ADAM2: variants seen among roughly 807,000 people sequenced by gnomAD.
ADAM2 encodes disintegrin and metalloproteinase domain-containing protein 2.
Under a neutral mutation model 99.3 loss-of-function variants are expected in ADAM2, and 101 were observed. The observed-to-expected ratio is 1.02, with a 90% CI of 0.87 to 1.20. The LOEUF is 1.20. ADAM2 is among the 50% of genes most tolerant of loss of function. ADAM2 has a pLI of 0.00. For synonymous variants in ADAM2, 323 were observed against 287.6 expected (o/e 1.12, Z -1.25); for missense variants, 948 against 878.7 (o/e 1.08, Z -1.00).
At chr8:39,758,830 G>A (rs898282500) in intron 15 of ADAM2, among the ~76,000 whole-genome samples, 13 of 151,830 alleles carry the variant, frequency 8.6e-5, no homozygotes, top group African/African-American at 2.7e-4. Flanking sequence ...AAAATTAAGA[G>A]AATTTGAGAA....
chr8:39,801,232 C>T (rs1054424191), intron 7 of ADAM2, among the ~76,000 whole-genome samples: 1 of 152,082 alleles, frequency 6.6e-6, no homozygotes, highest in South Asian at 2.1e-4. Flanking sequence ...GCTGTTGTTG[C>T]CACTTTCGGC....
intron 4 of ADAM2, among the ~76,000 whole-genome samples, chr8:39,822,748 T>C (rs1210913785): frequency 6.7e-6 from 1 of 149,730 alleles, no homozygotes; most frequent in African/African-American, 2.4e-5. Context: ...TGAGGTCTGT[T>C]TTTTTTTTGT....
chr8:39,794,444 G>A (rs544154210), intron 7 of ADAM2, among the ~76,000 whole-genome samples: 1 of 152,076 alleles, frequency 6.6e-6, no homozygotes, highest in East Asian at 1.9e-4. Context: ...TAAGGGAGGA[G>A]ACCACCCCTC....
chr8:39,827,362 A>G (rs765664427), intron 3 of ADAM2, among the ~76,000 whole-genome samples: 1 of 152,124 alleles, frequency 6.6e-6, no homozygotes, highest in Non-Finnish European at 1.5e-5. Context: ...CTACTGTATG[A>G]TTCAGCCGTC....
chr8:39,800,328 T>C (rs770261310), intron 7 of ADAM2, among the ~76,000 whole-genome samples: 28 of 152,206 alleles, frequency 1.8e-4, no homozygotes, highest in Non-Finnish European at 5.9e-5. Context: ...AAAATTCTTT[T>C]CTTTAAGAAT....
chr8:39,802,719 A>G (rs1051840694), intron 7 of ADAM2, among the ~76,000 whole-genome samples: 4 of 152,098 alleles, frequency 2.6e-5, no homozygotes, highest in Admixed American at 6.5e-5. Flanking sequence ...TCACCAAGGC[A>G]CCTGGTGCTA....
At chr8:39,832,253 C>G (rs2129589253) in intron 3 of ADAM2, among the ~76,000 whole-genome samples, 1 of 152,316 alleles carries the variant, frequency 6.6e-6, no homozygotes, top group Non-Finnish European at 1.5e-5. Flanking sequence ...GCTCTGCATA[C>G]AGTCCAGGCC....
intron 9 of ADAM2, among the ~76,000 whole-genome samples, chr8:39,787,864 T>A (rs1364516765): frequency 6.6e-6 from 1 of 151,668 alleles, no homozygotes; most frequent in Admixed American, 6.6e-5. Flanking sequence ...GGGAAAGAAG[T>A]AATATGGGAA....
At chr8:39,807,062 C>A (rs1374693477) in intron 7 of ADAM2, among the ~76,000 whole-genome samples, 2 of 152,172 alleles carry the variant, frequency 1.3e-5, no homozygotes, top group Admixed American at 1.3e-4. Context: ...TTGCCTGTAG[C>A]CTTGCTGGCA....
chr8:39,777,328 A>G (rs1803032135), intron 10 of ADAM2, among the ~76,000 whole-genome samples, 167 bp from the exon 11 acceptor site: 4 of 152,080 alleles, frequency 2.6e-5, no homozygotes, highest in Admixed American at 2.6e-4. Flanking sequence ...AATTATGAAA[A>G]ATAAAATCTG....
intron 10 of ADAM2, among the ~76,000 whole-genome samples, chr8:39,785,455 G>A (rs1436491720): frequency 6.6e-6 from 1 of 152,184 alleles, no homozygotes; most frequent in East Asian, 1.9e-4. Context: ...AAAGCAGTTT[G>A]GAGAGTTCTC....
chr8:39,774,235 T>G (rs780071402), intron 11 of ADAM2, among the ~76,000 whole-genome samples: 1 of 151,928 alleles, frequency 6.6e-6, no homozygotes, highest in Non-Finnish European at 1.5e-5. Flanking sequence ...AAGTTACAAG[T>G]CTTGCTCATA....
At position 39,746,500 on chromosome 8, in the gene ADAM2, AT is replaced by A. The variant is rs764499662; in HGVS notation, c.2145del (p.Lys715AsnfsTer36). ...IMVKVNFQRKKWRTEDYSSDE... is the reference protein window; with the variant it reads ...IMVKVNFQRKXWRTEDYSSDE... ...TCGCTTGAATAGTCCTCAGTTCTCC[AT>A]TTTTTCCTTTGGAAATTAACTTTCA... On this transcript the variant is annotated frameshift_variant, in exon 19 of 21. Coordinates refer to ENST00000265708, the MANE Select transcript of ADAM2 (RefSeq NM_001464.5). LOFTEE classifies it high-confidence loss of function. 6 of 1,595,536 alleles carry A rather than the reference AT, an allele frequency of 3.8e-6. No homozygotes were observed. Among genetic ancestry groups the A allele is most frequent in the East Asian group, 2.3e-5 (1 of 44,198 alleles).
At chr8:39,783,680 A>G (rs1438023284) in intron 10 of ADAM2, among the ~76,000 whole-genome samples, 2 of 152,188 alleles carry the variant, frequency 1.3e-5, no homozygotes, top group Non-Finnish European at 2.9e-5. Context: ...GGCCAGGCAC[A>G]GTGGCTCATT....
At chr8:39,756,641 T>C (rs1802161948) in intron 15 of ADAM2, among the ~76,000 whole-genome samples, 1 of 152,076 alleles carries the variant, frequency 6.6e-6, no homozygotes, top group South Asian at 2.1e-4. Flanking sequence ...GTGATGAAAA[T>C]CTAAATGTCT....
In ADAM2 at chr8:39,809,439, C is replaced by T. The variant is rs774068680; in HGVS notation, c.541G>A (p.Glu181Lys). The T allele has an allele frequency of 7.1e-7, 1 of 1,417,796 alleles. No homozygotes were observed. The highest frequency in any genetic ancestry group is 2.4e-5 in the East Asian group (1 of 42,372). The allele number at this position is 1,417,796 out of a possible 1,614,324, so 87.8% of individuals were successfully genotyped here. Reference protein sequence around the residue: ...EPQQDFAKYIEMHVIVEKQLY... With the variant: ...EPQQDFAKYIKMHVIVEKQLY... ...TGTTTTTCAACTATAACATGCATTT[C>T]TATATACTTTGCAAAATCTTGCTGT... The change falls in exon 7 of 21, where the codon GAA becomes AAA. Residue 181 changes from glutamate to lysine, a missense_variant. Transcript: ENST00000265708.
intron 14 of ADAM2, among the ~76,000 whole-genome samples, chr8:39,764,576 A>G (rs1043628971): frequency 1.3e-5 from 2 of 152,164 alleles, no homozygotes; most frequent in African/African-American, 4.8e-5. Context: ...AAGGAAACAG[A>G]TTTGAGCATT....
intron 7 of ADAM2, among the ~76,000 whole-genome samples, chr8:39,798,920 T>C (rs780324600): frequency 2.0e-5 from 3 of 152,146 alleles, no homozygotes; most frequent in South Asian, 2.1e-4. Context: ...TGTCTGGTTC[T>C]TCTCTCTTTT....
intron 7 of ADAM2, among the ~76,000 whole-genome samples, chr8:39,789,374 C>CA (rs1475220072): frequency 1.3e-5 from 2 of 151,652 alleles, no homozygotes; most frequent in Non-Finnish European, 3.0e-5. Flanking sequence ...AATTATAAGG[C>CA]AATAGATATC....
Sources: gnomAD v4.1 joint callset for allele counts (sites outside exome capture counted in the v4.1 genomes callset) on GRCh38, gnomAD v4.1.1 for gene constraint, MANE v1.5 for transcripts, NCBI Gene and HGNC (gene_info 2026-07-23, HGNC 2026-07-21) for gene names.